The following PPFIBP1 variants were observed in gnomAD, a reference collection of about 807,000 sequenced individuals.
The protein encoded by PPFIBP1 is liprin-beta-1.
In PPFIBP1, 112 loss-of-function variants were observed where a neutral mutation model predicts 137.8. The observed-to-expected ratio is 0.81, with a 90% CI of 0.70 to 0.95. The LOEUF is 0.95. Among genes scored for constraint, PPFIBP1 ranks in the 40% least tolerant of loss-of-function variants. The pLI is 0.00. For synonymous variants in PPFIBP1, 378 were observed against 417.3 expected, an observed-to-expected ratio of 0.91 and a Z score of 1.15; for missense variants, 1,083 against 1,196.6, an observed-to-expected ratio of 0.91 and a Z score of 1.40.
chr12:27,672,394 G>A (rs370526735), intron 14 of PPFIBP1, 33 bp from the exon 15 acceptor site: 21 of 1,549,968 alleles, frequency 1.4e-5, no homozygotes, highest in Non-Finnish European at 1.9e-5. Context: ...TATTCGTGAA[G>A]TTAATAAATA....
At chr12:27,640,831 A>G (rs777918441) in intron 4 of PPFIBP1, among the ~76,000 whole-genome samples, 6 of 152,178 alleles carry the variant, frequency 3.9e-5, no homozygotes, top group Non-Finnish European at 8.8e-5. Context: ...CTCTCCTCAT[A>G]GTTCAGAGTC....
rs542991659 is a variant in PPFIBP1, at chr12:27,625,626, G to A, written c.-35-7736G>A. On this transcript the variant is annotated intron_variant, in intron 2 of 29. Coordinates refer to ENST00000228425, the MANE Select transcript of PPFIBP1 (RefSeq NM_003622.4). The stretch of plus-strand genomic sequence containing the variant: ...GACAGAGTCTTGCTCTGTCGCCCAG[G>A]TTGGAGTGCAGTGGCACTCCAATCT... 1.2e-4 allele frequency among the ~76,000 whole-genome samples: 18 copies of A among 149,606 alleles called. No individual in the cohort carries two copies. The South Asian group carries it at 3.8e-3, about 32-fold the overall frequency.
In PPFIBP1 at chr12:27,691,844, A is replaced by C; in HGVS notation, c.2781A>C (p.Ala927=). Residue 927 remains alanine, a synonymous_variant, in exon 28 of 30, where the codon GCA becomes GCC. Transcript: ENST00000228425. ...EYVCPMELGQ[A]SGSASKKGFK... ...TTTGTCCAATGGAATTGGGACAGGC[A>C]TCAGGAAGTGCATCTAAGAAAGGAT... is the stretch of plus-strand genomic sequence containing the variant. 6.2e-7 allele frequency: 1 copy of C among 1,614,092 alleles called. No homozygotes were observed. The highest frequency in any genetic ancestry group is 1.1e-5 in the South Asian group (1 of 91,070).
chr12:27,545,995 G>A (rs924372188), intron 1 of PPFIBP1, among the ~76,000 whole-genome samples: 8 of 152,204 alleles, frequency 5.3e-5, no homozygotes, highest in African/African-American at 1.9e-4. Context: ...GGATTGTAGA[G>A]TCATTGAGAA....
At chr12:27,535,977 G>A (rs1264364557) in intron 1 of PPFIBP1, among the ~76,000 whole-genome samples, 1 of 152,154 alleles carries the variant, frequency 6.6e-6, no homozygotes, top group Non-Finnish European at 1.5e-5. Flanking sequence ...TGGCTAATAT[G>A]GTTAAGTAAC....
chr12:27,677,160 C>T, intron 19 of PPFIBP1, 64 bp downstream of exon 19: 1 of 1,585,698 alleles, frequency 6.3e-7, no homozygotes, highest in Non-Finnish European at 8.7e-7. Context: ...AATCCCTGCT[C>T]TTGGCATCTG....
intron 13 of PPFIBP1, among the ~76,000 whole-genome samples, chr12:27,670,051 G>A (rs2060088694): frequency 1.3e-5 from 2 of 152,168 alleles, no homozygotes; most frequent in Non-Finnish European, 1.5e-5. Flanking sequence ...TCTTTATCAG[G>A]CAGCTTTCAG....
Position 27,635,089 on chromosome 12 carries a change from C to T in PPFIBP1, c.244C>T (p.Leu82Phe). The T allele has an allele frequency of 6.2e-7, 1 of 1,614,164 alleles. No individual in the cohort carries two copies. The highest frequency in any genetic ancestry group is 8.5e-7 in the Non-Finnish European group (1 of 1,179,976). Residue 82 changes from leucine to phenylalanine, a missense_variant, in exon 4 of 30, where the codon CTT becomes TTT. Leu to Phe is a conservative substitution (Grantham distance 22). Transcript: ENST00000228425. Reference sequence around the variant, plus strand: ...GATCCCAGATTCAACAGCAGAAACGCTTGTTGAATGGCTTCAGAGTCAAAT... The same window carrying T: ...GATCCCAGATTCAACAGCAGAAACGTTTGTTGAATGGCTTCAGAGTCAAAT... ...CQIPDSTAET[L>F]VEWLQSQMTN...
intron 4 of PPFIBP1, among the ~76,000 whole-genome samples, chr12:27,638,815 A>G (rs1200485204): frequency 6.6e-6 from 1 of 152,218 alleles, no homozygotes; most frequent in Non-Finnish European, 1.5e-5. Flanking sequence ...AAAAACTTAA[A>G]TTCAAAAATT....
chr12:27,594,815 C>A (rs2052999756), intron 2 of PPFIBP1, among the ~76,000 whole-genome samples: 1 of 152,114 alleles, frequency 6.6e-6, no homozygotes, highest in Non-Finnish European at 1.5e-5. Context: ...TATAAACACA[C>A]ACATATATAT....
intron 5 of PPFIBP1, 152 bp from the exon 6 acceptor site, chr12:27,647,577 C>T: frequency 1.9e-6 from 1 of 523,196 alleles, no homozygotes; most frequent in Admixed American, 3.6e-5. Context: ...ATGTGAGGGA[C>T]CACTGTCTTC....
intron 2 of PPFIBP1, among the ~76,000 whole-genome samples, chr12:27,622,535 G>A (rs1459147267): frequency 6.6e-6 from 1 of 152,178 alleles, no homozygotes; most frequent in African/African-American, 2.4e-5. Context: ...CACTTCAGTG[G>A]TTTTCACTCC....
At chr12:27,672,716 G>A (rs2060276823) in intron 15 of PPFIBP1, among the ~76,000 whole-genome samples, 2 of 152,082 alleles carry the variant, frequency 1.3e-5, no homozygotes, top group South Asian at 4.1e-4. Flanking sequence ...ATCTCATGCC[G>A]GGGTTTTGCA....
intron 1 of PPFIBP1, among the ~76,000 whole-genome samples, chr12:27,537,316 A>G (rs535321485): frequency 1.3e-5 from 2 of 152,132 alleles, no homozygotes; most frequent in South Asian, 4.1e-4. Flanking sequence ...TGTTTTTAGT[A>G]GAGATGGGGT....
chr12:27,565,883 C>G (rs1205345734), intron 1 of PPFIBP1, among the ~76,000 whole-genome samples: 1 of 152,110 alleles, frequency 6.6e-6, no homozygotes, highest in Admixed American at 6.6e-5. Flanking sequence ...TACATCCTAA[C>G]CATGTTATTT....
chr12:27,628,243 C>T (rs1050699323), intron 2 of PPFIBP1, among the ~76,000 whole-genome samples: 1 of 152,102 alleles, frequency 6.6e-6, no homozygotes, highest in Non-Finnish European at 1.5e-5. Context: ...TGCAGTGGCA[C>T]AATCACAGCT....
At chr12:27,587,970 C>T (rs10842943) in intron 2 of PPFIBP1, among the ~76,000 whole-genome samples, 17,175 of 152,172 alleles carry the variant, frequency 0.11, 1,459 homozygotes, top group East Asian at 0.41. Context: ...TTTATGAACT[C>T]TCTTGTCTCC....
chr12:27,612,328 GTTTTTTTTTTTT>G (rs1173958726), intron 2 of PPFIBP1, among the ~76,000 whole-genome samples: 39 of 87,254 alleles, frequency 4.5e-4, no homozygotes, highest in Admixed American at 3.3e-3. Flanking sequence ...CTTTATTGGT[GTTTTTTTTTTTT>G]TTTTTTTTTT....
At chr12:27,615,234 G>T (rs2055614189) in intron 2 of PPFIBP1, among the ~76,000 whole-genome samples, 1 of 152,140 alleles carries the variant, frequency 6.6e-6, no homozygotes, top group Non-Finnish European at 1.5e-5. Context: ...AAGTTATTTG[G>T]AAAATTCCCG....
Sources: gnomAD v4.1 joint callset for allele counts (sites outside exome capture counted in the v4.1 genomes callset) on GRCh38, gnomAD v4.1.1 for gene constraint, MANE v1.5 for transcripts, NCBI Gene and HGNC (gene_info 2026-07-23, HGNC 2026-07-21) for gene names.